The following PHLDB2 variants were observed in gnomAD, a reference collection of about 807,000 sequenced individuals.
PHLDB2 encodes the protein pleckstrin homology-like domain family B member 2.
A neutral mutation model predicts 123.6 loss-of-function variants in PHLDB2; 71 were observed. The ratio of observed to expected loss-of-function variants is 0.57; its 90% CI spans 0.47 to 0.70. The LOEUF (loss-of-function observed/expected upper bound fraction) is 0.70, where lower values mean the gene tolerates loss of function less well. PHLDB2 is among the 30% of genes least tolerant of loss of function. PHLDB2 has a pLI of 0.00. For synonymous variants in PHLDB2, 547 were observed against 541.6 expected, an observed-to-expected ratio of 1.01 and a Z score of -0.14; for missense variants, 1,446 against 1,519.5, an observed-to-expected ratio of 0.95 and a Z score of 0.80.
intron 1 of PHLDB2, among the ~76,000 whole-genome samples, chr3:111,807,695 G>C (rs1178738183): frequency 1.3e-5 from 2 of 152,118 alleles, no homozygotes; most frequent in South Asian, 2.1e-4. Context: ...GGAATTCAAG[G>C]CTGCAGTGAG....
Position 111,932,330 on chromosome 3 carries a change from A to G in PHLDB2, c.2063A>G (p.Glu688Gly), listed in dbSNP as rs2069193208. Residue 688 changes from glutamate (E) to glycine (G), a missense_variant, in exon 6 of 18, where the codon GAG becomes GGG. Physicochemically the swap from Glu to Gly is moderately conservative, Grantham distance 98. Transcript: ENST00000431670. Reference sequence around the variant, plus strand: ...GAGAGGCTTCAGGAGCTTTACTCCGAGCAGAAGACCCAGCTGGACAATTGT... The same window carrying G: ...GAGAGGCTTCAGGAGCTTTACTCCGGGCAGAAGACCCAGCTGGACAATTGT... ...KLERLQELYS[E>G]QKTQLDNCPE... is the part of the protein sequence containing the mutation. 6 of 1,551,738 alleles carry G rather than the reference A, an allele frequency of 3.9e-6. No individual in the cohort carries two copies. Among genetic ancestry groups the G allele is most frequent in the Non-Finnish European group, 5.2e-6 (6 of 1,146,860 alleles).
In PHLDB2 at chr3:111,940,664, G is replaced by C; in HGVS notation, c.2397+19G>C. 6.9e-7 allele frequency: 1 copy of C among 1,442,978 alleles called. No individual in the cohort carries two copies. Among genetic ancestry groups the C allele is most frequent in the Non-Finnish European group, 9.5e-7 (1 of 1,053,682 alleles). The allele number at this position is 1,442,978 out of a possible 1,614,324, so 89.4% of individuals were successfully genotyped here. ...GCAAAGAGTAAGTATTTCCTTTTCA[G>C]CACTGGCTACAGTAAAACATAGGTT... On this transcript the variant is annotated intron_variant, in intron 8 of 17. Coordinates refer to ENST00000431670, the MANE Select transcript of PHLDB2 (RefSeq NM_001134438.2).
intron 5 of PHLDB2, among the ~76,000 whole-genome samples, chr3:111,923,737 T>C (rs1461618612): frequency 6.6e-6 from 1 of 152,208 alleles, no homozygotes; most frequent in Non-Finnish European, 1.5e-5. Context: ...TTGACACGTC[T>C]TTCCTTATCA....
chr3:111,907,320 C>T (rs1470799237), intron 2 of PHLDB2, among the ~76,000 whole-genome samples: 3 of 152,098 alleles, frequency 2.0e-5, no homozygotes, highest in Non-Finnish European at 4.4e-5. Context: ...AAAGATTAGC[C>T]AAAGAAAGAC....
rs1179607565 is a variant in PHLDB2 at position 111,975,015 on chromosome 3, T to C, written c.*452T>C. On this transcript the variant is annotated 3_prime_UTR_variant, in exon 18 of 18. Coordinates refer to ENST00000431670, the MANE Select transcript of PHLDB2 (RefSeq NM_001134438.2). ...TTTGTTGACAGTTATTTTGTAAACA[T>C]AAGCAAATAAGGGCTTGGAGGGAAA... is the stretch of plus-strand genomic sequence containing the variant. 6.6e-6 allele frequency: 1 copy of C among 152,670 alleles called. No individual in the cohort carries two copies. The highest frequency in any genetic ancestry group is 6.5e-5 in the Admixed American group (1 of 15,292). 9.5% of individuals were successfully genotyped at this position (152,670 alleles called of 1,614,324 possible).
At chr3:111,899,884 G>A (rs927123279) in intron 2 of PHLDB2, among the ~76,000 whole-genome samples, 1 of 152,224 alleles carries the variant, frequency 6.6e-6, no homozygotes, top group Non-Finnish European at 1.5e-5. Context: ...GGGATTACAG[G>A]AGTGAGCCAC....
chr3:111,899,978 A>G (rs140619229), intron 2 of PHLDB2, among the ~76,000 whole-genome samples: 120 of 152,326 alleles, frequency 7.9e-4, no homozygotes, highest in African/African-American at 2.8e-3. Context: ...TGCACCTTCT[A>G]CTTCAGCATA....
At chr3:111,770,267 A>T (rs2060152552) in intron 1 of PHLDB2, among the ~76,000 whole-genome samples, 1 of 152,232 alleles carries the variant, frequency 6.6e-6, no homozygotes, top group Admixed American at 6.5e-5. Flanking sequence ...GCCTGGGGAA[A>T]CATTTACTAT....
intron 1 of PHLDB2, among the ~76,000 whole-genome samples, chr3:111,758,415 G>A (rs972467953): frequency 1.9e-4 from 29 of 152,206 alleles, no homozygotes; most frequent in African/African-American, 5.5e-4. Flanking sequence ...AGCCATGTGC[G>A]GGATATAATC....
At chr3:111,811,317 C>G (rs2061827531) in intron 1 of PHLDB2, among the ~76,000 whole-genome samples, 1 of 152,090 alleles carries the variant, frequency 6.6e-6, no homozygotes, top group Non-Finnish European at 1.5e-5. Context: ...GTCCAAGTCT[C>G]TTCATGAAAT....
At chr3:111,958,427 G>A in intron 12 of PHLDB2, 1 of 507,118 alleles carries the variant, frequency 2.0e-6, no homozygotes, top group Non-Finnish European at 2.7e-6. Flanking sequence ...ACCACATATT[G>A]GGAATGTATT....
intron 1 of PHLDB2, among the ~76,000 whole-genome samples, chr3:111,834,567 T>C (rs2063314725): frequency 6.6e-6 from 1 of 151,746 alleles, no homozygotes; most frequent in Non-Finnish European, 1.5e-5. Context: ...AACACTGTGT[T>C]ATCACAAACA....
upstream of PHLDB2, among the ~76,000 whole-genome samples, chr3:111,857,857 G>C (rs1482575284): frequency 2.6e-5 from 4 of 152,224 alleles, no homozygotes; most frequent in African/African-American, 7.2e-5. Flanking sequence ...CTGTTGGTGG[G>C]AGTATAAGTT....
At chr3:111,937,313 C>T (rs1208529424) in intron 6 of PHLDB2, among the ~76,000 whole-genome samples, 1 of 152,020 alleles carries the variant, frequency 6.6e-6, no homozygotes, top group East Asian at 1.9e-4. Flanking sequence ...GGTTGAATAT[C>T]GATATAGAAA....
chr3:111,750,420 A>G (rs982941513), intron 1 of PHLDB2, among the ~76,000 whole-genome samples: 1 of 152,212 alleles, frequency 6.6e-6, no homozygotes, highest in African/African-American at 2.4e-5. Flanking sequence ...GAAATTCTGC[A>G]AGTTAGTTCA....
At chr3:111,785,289 T>C (rs879893555) in intron 1 of PHLDB2, among the ~76,000 whole-genome samples, 2 of 152,158 alleles carry the variant, frequency 1.3e-5, no homozygotes, top group African/African-American at 4.8e-5. Context: ...CAGTTGATTC[T>C]CAAGGGCTCT....
chr3:111,804,013 T>A (rs1215478822), intron 1 of PHLDB2, among the ~76,000 whole-genome samples: 1 of 79,834 alleles, frequency 1.3e-5, no homozygotes, highest in Non-Finnish European at 3.2e-5. Context: ...TCCTGTCCTC[T>A]AATTCAGTTT....
chr3:111,937,904 C>G (rs2069601576), intron 6 of PHLDB2, among the ~76,000 whole-genome samples: 1 of 151,960 alleles, frequency 6.6e-6, no homozygotes, highest in Non-Finnish European at 1.5e-5. Context: ...AGAGAATAAT[C>G]TATACAACAT....
chr3:111,884,991 C>G lies in PHLDB2; in HGVS notation c.914C>G (p.Ser305Cys). Residue 305 changes from serine (S) to cysteine (C), a missense_variant, in exon 2 of 18, where the codon TCT (serine) becomes TGT (cysteine). Around this residue, in one of 3 missense-constraint regions of PHLDB2, gnomAD observed 832 missense variants for 831.9 expected, o/e 1.00. Transcript: ENST00000431670. ...GACAATGACAATTACCTTAATTTTT[C>G]TTCTTTGAGCTCAGGGGCTTTACCC... ...VIDNDNYLNFSSLSSGALPYK... is the reference protein window; with the variant it reads ...VIDNDNYLNFCSLSSGALPYK... The G allele has an allele frequency of 6.2e-7, 1 of 1,614,094 alleles. No individual in the cohort carries two copies. The highest frequency in any genetic ancestry group is 2.2e-5 in the East Asian group (1 of 44,868).
Sources: allele counts gnomAD v4.1 joint callset (sites outside exome capture counted in the v4.1 genomes callset), GRCh38; gene constraint gnomAD v4.1.1; regional missense constraint gnomAD v4.1.1; transcripts MANE v1.5; gene names NCBI Gene and HGNC (gene_info 2026-07-23, HGNC 2026-07-21).